Variants in OSMR observed in about 807,000 individuals in gnomAD.
OSMR encodes oncostatin M receptor, also known as oncostatin-M-specific receptor subunit beta.
A neutral mutation model predicts 99.9 loss-of-function variants in OSMR; 81 were observed. The ratio of observed to expected loss-of-function variants is 0.81; its 90% confidence interval spans 0.68 to 0.97. The LOEUF (loss-of-function observed/expected upper bound fraction) is 0.97, where lower values mean the gene tolerates loss of function less well. Ranked by LOEUF, OSMR falls within the 50% of genes least tolerant of loss-of-function variation. The pLI, the probability that OSMR is intolerant of heterozygous loss-of-function variation, is 0.00. For missense variants in OSMR, 1,099 were observed against 1,153.4 expected (o/e 0.95, Z 0.68); for synonymous variants, 406 against 410.4 (o/e 0.99, Z 0.13).
chr5:38,919,131 A>T, intron 11 of OSMR, 69 bp downstream of exon 11: 1 of 1,579,012 alleles, frequency 6.3e-7, no homozygotes, highest in East Asian at 2.3e-5. Flanking sequence ...TTAAGTAGTG[A>T]TGGATAAATT....
At position 38,883,969 on chromosome 5, in the gene OSMR, T is replaced by C; in HGVS notation, c.561T>C (p.His187=). 1 of 1,613,874 alleles carries C rather than the reference T, an allele frequency of 6.2e-7. No homozygotes were observed. The highest frequency in any genetic ancestry group is 8.5e-7 in the Non-Finnish European group (1 of 1,179,800). Reference sequence around the variant, plus strand: ...GTTATTTGGAAGGGAAACAGATTCATGGAGAACAACTTGATCCACATGTAA... The same window carrying C: ...GTTATTTGGAAGGGAAACAGATTCACGGAGAACAACTTGATCCACATGTAA... ...VSCYLEGKQI[H]GEQLDPHVTA... The change falls in exon 5 of 18, where the codon CAT becomes CAC. Residue 187 remains histidine, a synonymous_variant. Transcript: ENST00000274276.
intron 7 of OSMR, among the ~76,000 whole-genome samples, chr5:38,898,985 C>T (rs1192834378): frequency 3.9e-5 from 4 of 103,608 alleles, no homozygotes; most frequent in African/African-American, 1.8e-4. Flanking sequence ...GAGACAGAGT[C>T]TCACCTGCTC....
chr5:38,901,366 C>T (rs1348074033), intron 7 of OSMR, among the ~76,000 whole-genome samples: 1 of 152,132 alleles, frequency 6.6e-6, no homozygotes, highest in Non-Finnish European at 1.5e-5. Context: ...CCTACTGGTC[C>T]CTTGGGATCT....
chr5:38,913,117 T>C lies in OSMR; in HGVS notation c.1286-4429T>C, dbSNP rs533648805. Among the ~76,000 whole-genome samples, 5 of 152,164 alleles carry C rather than the reference T, an allele frequency of 3.3e-5. No individual in the cohort carries two copies. In the South Asian group the frequency reaches 1.0e-3, roughly 32 times the overall value. Reference sequence around the variant, plus strand: ...TAAAGAGCTACTGAACCACAAAAGATACTATCAAAAGAGTAAGCAACAACC... The same window carrying C: ...TAAAGAGCTACTGAACCACAAAAGACACTATCAAAAGAGTAAGCAACAACC... On this transcript the variant is annotated intron_variant, in intron 9 of 17. Coordinates refer to ENST00000274276, the MANE Select transcript of OSMR (RefSeq NM_003999.3).
intron 1 of OSMR, among the ~76,000 whole-genome samples, chr5:38,867,908 G>A (rs1742070687): frequency 7.8e-6 from 1 of 128,414 alleles, no homozygotes; most frequent in Non-Finnish European, 1.6e-5. Flanking sequence ...TAGCTCTCTT[G>A]AGACTATTGT....
Position 38,849,722 on chromosome 5 carries a change from CTG to C in OSMR, c.-14+3339_-14+3340del, listed in dbSNP as rs367828888. Among the ~76,000 whole-genome samples, 885 of 152,268 alleles carry C rather than the reference CTG, an allele frequency of 5.8e-3. 17 individuals are homozygous for C. Among genetic ancestry groups the C allele is most frequent in the South Asian group, 0.044 (212 of 4,820 alleles). Reference sequence around the variant, plus strand: ...GTATGAGCTCCAAGCTTTAAGGAAACTGTGTCATGTGAACTTTGGTTAATGAC... The same window carrying C: ...GTATGAGCTCCAAGCTTTAAGGAAACTGTCATGTGAACTTTGGTTAATGAC... On this transcript the variant is annotated intron_variant, in intron 1 of 17. Transcript: ENST00000274276.
intron 12 of OSMR, 80 bp downstream of exon 12, chr5:38,921,874 A>C: frequency 8.2e-7 from 1 of 1,213,158 alleles, no homozygotes; most frequent in South Asian, 1.2e-5. Context: ...ACTACTTCAC[A>C]GACTTTGACT....
chr5:38,881,194 C>CT (rs367864552), intron 3 of OSMR, among the ~76,000 whole-genome samples: 1,868 of 148,270 alleles, frequency 0.013, 36 homozygotes, highest in East Asian at 0.04. Flanking sequence ...AACAAACAAT[C>CT]TTTTTTTTTT....
chr5:38,861,834 C>T (rs1281002026), intron 1 of OSMR, among the ~76,000 whole-genome samples: 2 of 147,516 alleles, frequency 1.4e-5, no homozygotes, highest in Non-Finnish European at 3.0e-5. Flanking sequence ...GGCAGAGGCG[C>T]CCCTCACCTC....
chr5:38,907,976 C>A (rs1016644105), intron 9 of OSMR, among the ~76,000 whole-genome samples: 1 of 152,066 alleles, frequency 6.6e-6, no homozygotes, highest in Non-Finnish European at 1.5e-5. Flanking sequence ...TGCATGGACA[C>A]CAGCAGCCCC....
intron 13 of OSMR, among the ~76,000 whole-genome samples, chr5:38,923,938 A>T (rs1746351936): frequency 6.6e-6 from 1 of 152,154 alleles, no homozygotes; most frequent in Admixed American, 6.5e-5. Context: ...TTTTTCAGTG[A>T]CACTTGGATA....
chr5:38,923,137 T>C lies in OSMR; in HGVS notation c.1766-13T>C, dbSNP rs769313555. 1.2e-6 allele frequency: 2 copies of C among 1,610,304 alleles called. No individual in the cohort carries two copies. The highest frequency in any genetic ancestry group is 2.2e-5 in the East Asian group (1 of 44,828). On this transcript the variant is annotated splice_polypyrimidine_tract_variant and intron_variant, in intron 12 of 17. Transcript: ENST00000274276. ...ATTCTGTTATTAAAAATCTGTTGAC[T>C]TTTTTTCCCTAGATGCTTTTAGGCC...
rs748578913 is a variant in OSMR at position 38,935,394 on chromosome 5, A to G, written c.*1950A>G. The stretch of plus-strand genomic sequence containing the variant: ...ATTATGTGCTCCTCACGTAGTAGAA[A>G]GCGGTATCCTGATTAGTCTAACAGT... On this transcript the variant is annotated 3_prime_UTR_variant, in exon 18 of 18. Transcript: ENST00000274276. 6.6e-6 allele frequency: 1 copy of G among 151,788 alleles called. No homozygotes were observed. The highest frequency in any genetic ancestry group is 1.5e-5 in the Non-Finnish European group (1 of 68,018). 9.4% of individuals were successfully genotyped at this position (151,788 alleles called of 1,614,324 possible).
chr5:38,878,801 T>A (rs1320260993), intron 3 of OSMR, among the ~76,000 whole-genome samples: 1 of 152,210 alleles, frequency 6.6e-6, no homozygotes, highest in African/African-American at 2.4e-5. Context: ...AAAAGTTTTA[T>A]CTCCTACATT....
chr5:38,883,576 TG>T, intron 4 of OSMR: 1 of 355,426 alleles, frequency 2.8e-6, no homozygotes, highest in Non-Finnish European at 3.9e-6. Flanking sequence ...ATTATCAGAG[TG>T]GTAATAGTAA....
intron 15 of OSMR, among the ~76,000 whole-genome samples, chr5:38,930,920 T>TTGTGTGTGTGTGTGTGTG (rs55964556): frequency 7.0e-6 from 1 of 141,890 alleles, no homozygotes; most frequent in Non-Finnish European, 1.5e-5. Flanking sequence ...CAGAAGCATT[T>TTGTGTGTGTGTGTGTGTG]TGTGTGTGTG....
At chr5:38,888,977 G>A (rs1436148194) in intron 7 of OSMR, among the ~76,000 whole-genome samples, 1 of 151,986 alleles carries the variant, frequency 6.6e-6, no homozygotes, top group African/African-American at 2.4e-5. Context: ...CTTGAGTATC[G>A]TGAATTTTAT....
chr5:38,891,158 A>C (rs1291862423), intron 7 of OSMR, among the ~76,000 whole-genome samples: 1 of 152,252 alleles, frequency 6.6e-6, no homozygotes, highest in African/African-American at 2.4e-5. Context: ...TTACAGATGC[A>C]CATAACCAAA....
At chr5:38,940,259 A>G (rs1032784340), downstream of OSMR, 1 of 230,784 alleles carries the variant, frequency 4.3e-6, no homozygotes, top group Non-Finnish European at 8.6e-6. Context: ...GTGTGTGTGT[A>G]AGACAAAAAA....
Sources: allele counts gnomAD v4.1 joint callset (sites outside exome capture counted in the v4.1 genomes callset), GRCh38; gene constraint gnomAD v4.1.1; transcripts MANE v1.5; gene names NCBI Gene and HGNC (gene_info 2026-07-23, HGNC 2026-07-21).